Variants in RAB33A observed in about 807,000 individuals in gnomAD.
RAB33A encodes RAB33A, member RAS oncogene family.
Under a neutral mutation model 12.0 loss-of-function variants are expected in RAB33A, and 6 were observed. That is an observed-to-expected ratio of 0.50 (90% confidence interval 0.27 to 0.99). The LOEUF (loss-of-function observed/expected upper bound fraction) is 0.99, where lower values mean the gene tolerates loss of function less well. Ranked by LOEUF, RAB33A falls within the 50% of genes least tolerant of loss-of-function variation. RAB33A has a pLI of 0.11. For synonymous variants in RAB33A, 70 were observed against 82.4 expected (o/e 0.85, Z 0.81); for missense variants, 109 against 192.0 (o/e 0.57, Z 2.55).
At chrX:130,125,996 C>T in the RAB33A span, among the ~76,000 whole-genome samples, 2 of 112,197 alleles carry the variant, frequency 1.8e-5, no homozygotes, top group Non-Finnish European at 3.8e-5. Context: ...TGCCAAGGAC[C>T]ATCTGATACC....
chrX:130,135,505 G>A, the RAB33A span, among the ~76,000 whole-genome samples: 1 of 105,504 alleles, frequency 9.5e-6, no homozygotes, highest in Admixed American at 1.0e-4. Context: ...TACGTCCTTA[G>A]TTGCAGAGTC....
At chrX:130,156,556 T>C in the RAB33A span, 2 of 1,211,702 alleles carry the variant, frequency 1.7e-6, no homozygotes, top group Non-Finnish European at 2.2e-6. Context: ...GCCATTTGTC[T>C]TGTCATCTGG....
At chrX:130,147,086 C>T in the RAB33A span, among the ~76,000 whole-genome samples, 1 of 111,503 alleles carries the variant, frequency 9.0e-6, no homozygotes, top group African/African-American at 3.3e-5. Flanking sequence ...TGCTTGAACC[C>T]GGGAGGTGGA....
chrX:130,158,381 C>T, the RAB33A span, among the ~76,000 whole-genome samples: 2 of 112,179 alleles, frequency 1.8e-5, no homozygotes, highest in Admixed American at 9.4e-5. Context: ...AGTTGGCAGA[C>T]CCCGATCTAG....
chrX:130,111,298 A>T, the RAB33A span, among the ~76,000 whole-genome samples: 1 of 111,409 alleles, frequency 9.0e-6, no homozygotes, highest in African/African-American at 3.3e-5. Flanking sequence ...GCCCCCATAC[A>T]ACGCCCCGCA....
At chrX:130,115,710 AAAGAAAG>A in the RAB33A span, among the ~76,000 whole-genome samples, 1 of 29,245 alleles carries the variant, frequency 3.4e-5, no homozygotes, top group Non-Finnish European at 5.8e-5. Flanking sequence ...GAGAAAGAAA[AAAGAAAG>A]AAAGAAAGAA....
At chrX:130,171,100 G>A (rs28503296), upstream of RAB33A, among the ~76,000 whole-genome samples, 2 of 112,892 alleles carry the variant, frequency 1.8e-5, no homozygotes, top group Non-Finnish European at 3.8e-5. Context: ...CCTGGTACGC[G>A]CCCCCCTACA....
intron 1 of RAB33A, among the ~76,000 whole-genome samples, chrX:130,172,850 T>G (rs1203997160): frequency 1.8e-5 from 2 of 112,298 alleles, no homozygotes; most frequent in Non-Finnish European, 3.8e-5. Flanking sequence ...GTTAAAAAAT[T>G]AGGGCTGAGT....
the RAB33A span, among the ~76,000 whole-genome samples, chrX:130,118,118 T>G: frequency 4.5e-5 from 5 of 111,569 alleles, no homozygotes; most frequent in African/African-American, 1.6e-4. Flanking sequence ...GCTCTACGTA[T>G]TATATAAAGT....
chrX:130,174,115 C>T (rs2031639435), intron 1 of RAB33A, among the ~76,000 whole-genome samples: 1 of 111,798 alleles, frequency 8.9e-6, no homozygotes, highest in Non-Finnish European at 1.9e-5. Context: ...TAAACTATTC[C>T]TTCTCTTCTA....
chrX:130,155,404 G>A, the RAB33A span: 25 of 843,742 alleles, frequency 3.0e-5, no homozygotes, highest in Middle Eastern at 4.5e-4. Flanking sequence ...GCTAAAAAAG[G>A]AAAAAGAAAA....
At chrX:130,118,476 G>C in the RAB33A span, among the ~76,000 whole-genome samples, 2 of 112,929 alleles carry the variant, frequency 1.8e-5, no homozygotes, top group Non-Finnish European at 3.7e-5. Flanking sequence ...GCATAGCAGA[G>C]GCCCAGTGGA....
At chrX:130,122,568 A>AG in the RAB33A span, among the ~76,000 whole-genome samples, 10 of 111,936 alleles carry the variant, frequency 8.9e-5, no homozygotes, top group African/African-American at 1.9e-4. Flanking sequence ...ACTAGGAGCA[A>AG]GGGGGGGTGG....
chrX:130,127,188 C>G, the RAB33A span, among the ~76,000 whole-genome samples: 2 of 111,199 alleles, frequency 1.8e-5, no homozygotes, highest in Non-Finnish European at 3.8e-5. Flanking sequence ...AGGGAGGGGA[C>G]ATGGACCAAG....
the RAB33A span, among the ~76,000 whole-genome samples, chrX:130,160,793 A>G: frequency 9.0e-6 from 1 of 110,524 alleles, no homozygotes; most frequent in Non-Finnish European, 1.9e-5. Context: ...CTGTAATCCC[A>G]GCACCTTGGG....
At chrX:130,136,116 G>A in the RAB33A span, 6 of 1,209,968 alleles carry the variant, frequency 5.0e-6, no homozygotes, top group Non-Finnish European at 6.7e-6. Context: ...TCTATTTCCA[G>A]GCCACCAGTC....
the RAB33A span, among the ~76,000 whole-genome samples, chrX:130,120,171 C>A: frequency 4.0e-4 from 45 of 112,335 alleles, no homozygotes; most frequent in African/African-American, 1.3e-3. Flanking sequence ...TCTATGAAGA[C>A]AGAGGTTGCA....
the RAB33A span, among the ~76,000 whole-genome samples, chrX:130,121,570 C>G: frequency 8.9e-6 from 1 of 112,418 alleles, no homozygotes; most frequent in Non-Finnish European, 1.9e-5. Context: ...TCCCGACAGG[C>G]GAACTGGAGC....
chrX:130,126,918 A>G, the RAB33A span, among the ~76,000 whole-genome samples: 227 of 112,585 alleles, frequency 2.0e-3, no homozygotes, highest in African/African-American at 6.4e-3. Flanking sequence ...CCATGCCACC[A>G]AGGCAGGACT....
Sources: gnomAD v4.1 joint callset for allele counts (sites outside exome capture counted in the v4.1 genomes callset) on GRCh38, gnomAD v4.1.1 for gene constraint, MANE v1.5 for transcripts, NCBI Gene and HGNC (gene_info 2026-07-23, HGNC 2026-07-21) for gene names.